Variants in VMA21 observed in about 807,000 individuals in gnomAD.
VMA21 encodes the protein vacuolar ATPase assembly integral membrane protein VMA21.
For missense variants in VMA21, 61 were observed against 80.6 expected, an observed-to-expected ratio of 0.76 and a Z score of 0.93; for synonymous variants, 47 against 34.1, an observed-to-expected ratio of 1.38 and a Z score of -1.32.
At position 151,405,217 on chromosome X, in the gene VMA21, T is replaced by C; in HGVS notation, c.*159T>C. ...TTTTGATCTTTCTAATATGTTGGTTTGTATATTCAGTTTTAACTGTATGAA... is the reference window on the plus strand; with the variant it reads ...TTTTGATCTTTCTAATATGTTGGTTCGTATATTCAGTTTTAACTGTATGAA... On this transcript the variant is annotated 3_prime_UTR_variant, in exon 3 of 3. Transcript: ENST00000330374. 1.7e-6 allele frequency: 1 copy of C among 605,584 alleles called. No individual in the cohort carries two copies. The highest frequency in any genetic ancestry group is 2.5e-6 in the Non-Finnish European group (1 of 401,507). 49.9% of individuals were successfully genotyped at this position (605,584 alleles called of 1,213,427 possible).
chrX:151,399,669 C>G (rs1038609969), intron 1 of VMA21, among the ~76,000 whole-genome samples: 1 of 111,550 alleles, frequency 9.0e-6, no homozygotes, highest in Non-Finnish European at 1.9e-5. Flanking sequence ...TAGTAGGAAA[C>G]AGTTTAAGGG....
In VMA21 at chrX:151,408,089, A is replaced by C. The variant is rs1418435542; in HGVS notation, c.*3031A>C. 1.8e-5 allele frequency: 2 copies of C among 109,722 alleles called. No individual in the cohort carries two copies. The highest frequency in any genetic ancestry group is 4.0e-4 in the South Asian group (1 of 2,514). The allele number at this position is 109,722 out of a possible 1,213,427, so 9.0% of individuals were successfully genotyped here. A position where few individuals can be genotyped will look rare whatever the true frequency, so the allele number is the denominator to read the frequency against. On this transcript the variant is annotated 3_prime_UTR_variant, in exon 3 of 3. Transcript: ENST00000330374. ...GTATTTTTAGTAGAGACGGGGTTTC[A>C]CCATGTTAGCCAGGCTAGTCTCGAA... is the stretch of plus-strand genomic sequence containing the variant.
upstream of VMA21, chrX:151,396,809 C>T: frequency 2.0e-6 from 1 of 505,948 alleles, no homozygotes; most frequent in Middle Eastern, 3.2e-4. Flanking sequence ...CACCACAGCC[C>T]TCTGGCTGGT....
At chrX:151,398,274 G>A (rs2011210009) in intron 1 of VMA21, among the ~76,000 whole-genome samples, 1 of 105,795 alleles carries the variant, frequency 9.5e-6, no homozygotes, top group African/African-American at 3.5e-5. Context: ...GGGGCTTGGC[G>A]TACAGGTAAT....
chrX:151,397,033 G>C (rs753376606), upstream of VMA21: 228 of 500,372 alleles, frequency 4.6e-4, no homozygotes, highest in East Asian at 8.0e-3. Flanking sequence ...CTCCTGGCAG[G>C]GCGCACGCCG....
At chrX:151,402,918 C>T (rs1211858338) in intron 1 of VMA21, among the ~76,000 whole-genome samples, 1 of 110,830 alleles carries the variant, frequency 9.0e-6, no homozygotes, top group African/African-American at 3.3e-5. Flanking sequence ...ATGCAAGCTC[C>T]GATTCCAGCG....
upstream of VMA21, chrX:151,396,864 C>A (rs2011192884): frequency 1.9e-6 from 1 of 522,059 alleles, no homozygotes; most frequent in African/African-American, 2.3e-5. Context: ...TTGCGGCCCC[C>A]AGCTCAGCGA....
chrX:151,402,105 G>A (rs2011241501), intron 1 of VMA21, among the ~76,000 whole-genome samples: 1 of 111,421 alleles, frequency 9.0e-6, no homozygotes, highest in Non-Finnish European at 1.9e-5. Flanking sequence ...TTTCAGCTCA[G>A]TAAAGGATGC....
chrX:151,396,916 G>C (rs1341433312), upstream of VMA21: 2 of 524,462 alleles, frequency 3.8e-6, no homozygotes, highest in Non-Finnish European at 7.0e-6. Flanking sequence ...GAGTTCAGGG[G>C]GCGGCGTAGC....
Position 151,405,586 on chromosome X carries a change from A to C in VMA21, c.*528A>C, listed in dbSNP as rs1049746441. ...CATGAAGTGTAATCCCTAGTCAATA[A>C]GAATTATCCATTACATTATTTTATG... On this transcript the variant is annotated 3_prime_UTR_variant, in exon 3 of 3. Coordinates refer to ENST00000330374, the MANE Select transcript of VMA21 (RefSeq NM_001017980.4). 8.8e-6 allele frequency: 1 copy of C among 113,486 alleles called. No individual in the cohort carries two copies. The highest frequency in any genetic ancestry group is 9.3e-5 in the Admixed American group (1 of 10,772). The allele number at this position is 113,486 out of a possible 1,213,427, so 9.4% of individuals were successfully genotyped here. A position where few individuals can be genotyped will look rare whatever the true frequency, so the allele number is the denominator to read the frequency against.
intron 2 of VMA21, among the ~76,000 whole-genome samples, chrX:151,404,449 C>T (rs753468443): frequency 3.6e-5 from 4 of 110,327 alleles, no homozygotes; most frequent in African/African-American, 1.3e-4. Context: ...GACGGAGTCT[C>T]GCTCAGTCAC....
intron 2 of VMA21, among the ~76,000 whole-genome samples, chrX:151,404,575 C>G (rs954313083): frequency 9.1e-6 from 1 of 109,940 alleles, no homozygotes; most frequent in South Asian, 4.0e-4. Flanking sequence ...CCTGCCACTA[C>G]GCCTGGCTAA....
chrX:151,397,940 C>G (rs181832329), intron 1 of VMA21, among the ~76,000 whole-genome samples: 3 of 111,435 alleles, frequency 2.7e-5, no homozygotes, highest in Non-Finnish European at 3.8e-5. Context: ...GTATGCCAGG[C>G]TCAGTGCACG....
Position 151,405,318 on chromosome X carries a change from G to T in VMA21, c.*260G>T. The T allele has an allele frequency of 3.3e-6, 1 of 298,938 alleles. No individual in the cohort carries two copies. The highest frequency in any genetic ancestry group is 2.7e-5 in the African/African-American group (1 of 36,799). 24.6% of individuals were successfully genotyped at this position (298,938 alleles called of 1,213,427 possible). On this transcript the variant is annotated 3_prime_UTR_variant, in exon 3 of 3. Transcript: ENST00000330374. ...AATTTAATTAGACAATACTCTGGAAGGAATTTTATCTTCTTTCAACAAAAC... is the reference window on the plus strand; with the variant it reads ...AATTTAATTAGACAATACTCTGGAATGAATTTTATCTTCTTTCAACAAAAC...
At chrX:151,397,203 G>C, upstream of VMA21, 2 of 953,720 alleles carry the variant, frequency 2.1e-6, no homozygotes, top group African/African-American at 2.0e-5. Flanking sequence ...GGCGCGAACC[G>C]CTACTTCCGG....
chrX:151,396,975 G>A, upstream of VMA21: 2 of 523,384 alleles, frequency 3.8e-6, no homozygotes, highest in South Asian at 2.5e-5. Flanking sequence ...CCGGCTCAAC[G>A]TGGAGTGGCT....
chrX:151,399,362 A>G (rs1403584378), intron 1 of VMA21, among the ~76,000 whole-genome samples: 1 of 112,144 alleles, frequency 8.9e-6, no homozygotes, highest in Non-Finnish European at 1.9e-5. Flanking sequence ...TCATCTTTTC[A>G]ATAATAAACT....
chrX:151,398,219 T>C (rs1294982217), intron 1 of VMA21, among the ~76,000 whole-genome samples: 3 of 105,278 alleles, frequency 2.8e-5, no homozygotes, highest in African/African-American at 1.1e-4. Context: ...TTTAGGTTCA[T>C]GAGTACATGC....
intron 1 of VMA21, among the ~76,000 whole-genome samples, chrX:151,401,874 G>A (rs1267000225): frequency 9.0e-6 from 1 of 110,637 alleles, no homozygotes; most frequent in East Asian, 2.8e-4. Flanking sequence ...AGCCTCTTGA[G>A]TAGCTGAGAT....
Sources: gnomAD v4.1 joint callset for allele counts (sites outside exome capture counted in the v4.1 genomes callset) on GRCh38, gnomAD v4.1.1 for gene constraint, MANE v1.5 for transcripts, NCBI Gene and HGNC (gene_info 2026-07-23, HGNC 2026-07-21) for gene names.